The following GRID1 variants were observed in gnomAD, a reference collection of about 807,000 sequenced individuals.
GRID1 encodes the protein glutamate receptor ionotropic, delta-1.
Under a neutral mutation model 98.0 loss-of-function variants are expected in GRID1, and 28 were observed. That is an observed-to-expected ratio of 0.29 (90% CI 0.21 to 0.39). The LOEUF (loss-of-function observed/expected upper bound fraction) is 0.39, where lower values mean the gene tolerates loss of function less well. GRID1 is among the 10% of genes least tolerant of loss of function. The pLI, the probability that GRID1 is intolerant of heterozygous loss-of-function variation, is 1.00. For synonymous variants in GRID1, 553 were observed against 538.5 expected (o/e 1.03, Z -0.37); for missense variants, 1,111 against 1,340.5 (o/e 0.83, Z 2.67).
chr10:86,057,373 A>C (rs1285610239), intron 4 of GRID1, among the ~76,000 whole-genome samples: 2 of 152,186 alleles, frequency 1.3e-5, no homozygotes, highest in East Asian at 1.9e-4. Context: ...CAGGTTCCCC[A>C]GTGTCTGGGA....
chr10:85,607,089 G>T (rs1229465627), intron 15 of GRID1: 2 of 152,212 alleles, frequency 1.3e-5, no homozygotes, highest in Non-Finnish European at 2.9e-5. Context: ...TATTAAACAT[G>T]ACGACAGATG....
intron 8 of GRID1, among the ~76,000 whole-genome samples, chr10:85,841,939 A>C (rs1277016393): frequency 1.3e-5 from 2 of 151,948 alleles, no homozygotes; most frequent in African/African-American, 2.4e-5. Flanking sequence ...GACTTAAAGA[A>C]AGACATACTA....
At chr10:86,006,993 C>A (rs971450490) in intron 4 of GRID1, among the ~76,000 whole-genome samples, 44 of 152,100 alleles carry the variant, frequency 2.9e-4, no homozygotes, top group Middle Eastern at 3.4e-3. Flanking sequence ...CAATCCCCGT[C>A]GTCCTTGGGC....
At chr10:85,848,046 A>G (rs1200099110) in intron 8 of GRID1, among the ~76,000 whole-genome samples, 2 of 152,148 alleles carry the variant, frequency 1.3e-5, no homozygotes, top group Non-Finnish European at 2.9e-5. Context: ...ATACTTTAAA[A>G]TGTACAATCT....
intron 4 of GRID1, among the ~76,000 whole-genome samples, chr10:85,925,700 G>A (rs912784559): frequency 6.6e-6 from 1 of 152,230 alleles, no homozygotes; most frequent in African/African-American, 2.4e-5. Context: ...GGAGGGTGTG[G>A]AGCCATTTTG....
At position 85,879,744 on chromosome 10, in the gene GRID1, T is replaced by A. The variant is rs1297493725; in HGVS notation, c.781-10564A>T. The stretch of plus-strand genomic sequence containing the variant: ...ACCAAGAGCAAATACATTCAAAAGC[T>A]AGCAGAAGGCAAGAAATAACTAATA... On this transcript the variant is annotated intron_variant, in intron 5 of 15. Coordinates refer to ENST00000327946, the MANE Select transcript of GRID1 (RefSeq NM_017551.3). 5.9e-5 allele frequency among the ~76,000 whole-genome samples: 9 copies of A among 152,154 alleles called. No individual in the cohort carries two copies. In the East Asian group the frequency reaches 1.7e-3, roughly 29 times the overall value.
At chr10:86,133,957 T>C (rs554048985) in intron 4 of GRID1, among the ~76,000 whole-genome samples, 31 of 152,306 alleles carry the variant, frequency 2.0e-4, no homozygotes, top group African/African-American at 7.5e-4. Context: ...TTCCACTCTT[T>C]CCAGTGGAAC....
chr10:85,881,067 G>T (rs1177045622), intron 5 of GRID1, among the ~76,000 whole-genome samples: 1 of 152,110 alleles, frequency 6.6e-6, no homozygotes, highest in African/African-American at 2.4e-5. Flanking sequence ...AACTTACAAG[G>T]GACGTGAGGG....
intron 5 of GRID1, among the ~76,000 whole-genome samples, chr10:85,886,460 C>T (rs1295231892): frequency 6.6e-6 from 1 of 152,168 alleles, no homozygotes; most frequent in East Asian, 1.9e-4. Flanking sequence ...GATTCACACT[C>T]TCATGGGACT....
rs546405957 is a variant in GRID1, at chr10:86,144,262, C to T, written c.521-5238G>A. ...GGGTGGGATAGGAAAGACCCTGCCT[C>T]GGTGAGGAGAAGCAGCTCTGGAAAC... On this transcript the variant is annotated intron_variant, in intron 3 of 15. Transcript: ENST00000327946. Among the ~76,000 whole-genome samples the T allele has an allele frequency of 3.2e-4, 48 of 152,190 alleles. No homozygotes were observed. In the South Asian group the frequency reaches 7.5e-3, roughly 24 times the overall value.
At chr10:85,725,388 T>A (rs1307075027) in intron 10 of GRID1, among the ~76,000 whole-genome samples, 2 of 152,226 alleles carry the variant, frequency 1.3e-5, no homozygotes, top group African/African-American at 4.8e-5. Context: ...TCTCTCTGGA[T>A]GTGCCCTACT....
chr10:85,831,648 A>T (rs1407780654), intron 8 of GRID1, among the ~76,000 whole-genome samples: 1 of 152,116 alleles, frequency 6.6e-6, no homozygotes, highest in Non-Finnish European at 1.5e-5. Flanking sequence ...CTATTAAATG[A>T]CTAACCAAAA....
chr10:85,769,678 C>T (rs1207447495), intron 8 of GRID1, among the ~76,000 whole-genome samples: 1 of 152,192 alleles, frequency 6.6e-6, no homozygotes, highest in East Asian at 1.9e-4. Flanking sequence ...TTATATCCTG[C>T]ACCTGGCTCG....
intron 4 of GRID1, among the ~76,000 whole-genome samples, chr10:86,004,861 T>C (rs970646324): frequency 2.6e-5 from 4 of 152,166 alleles, no homozygotes; most frequent in Admixed American, 2.0e-4. Context: ...CTCATTGCAC[T>C]GTTCCTACTT....
At chr10:86,247,710 C>T (rs1172640704) in intron 2 of GRID1, among the ~76,000 whole-genome samples, 2 of 152,018 alleles carry the variant, frequency 1.3e-5, no homozygotes, top group African/African-American at 4.8e-5. Context: ...GGGGGAAGTG[C>T]CAAGGAATGT....
At chr10:86,341,055 C>T (rs1209997801) in intron 2 of GRID1, among the ~76,000 whole-genome samples, 3 of 152,106 alleles carry the variant, frequency 2.0e-5, no homozygotes, top group Non-Finnish European at 2.9e-5. Context: ...CTGCCTTCCC[C>T]GACCCCCACT....
intron 8 of GRID1, among the ~76,000 whole-genome samples, chr10:85,795,694 C>T (rs950916184): frequency 1.3e-5 from 2 of 152,172 alleles, no homozygotes; most frequent in African/African-American, 4.8e-5. Context: ...CACGTCGAAT[C>T]CTGGCACCCA....
intron 8 of GRID1, among the ~76,000 whole-genome samples, chr10:85,743,111 C>CCCCCT (rs1564577050): frequency 1.5e-5 from 2 of 130,158 alleles, no homozygotes; most frequent in East Asian, 2.9e-4. Flanking sequence ...TGCAGCCCCC[C>CCCCCT]CCCCCACCAC....
chr10:85,697,645 A>G (rs1841408394), intron 12 of GRID1, among the ~76,000 whole-genome samples: 2 of 152,158 alleles, frequency 1.3e-5, no homozygotes, highest in Admixed American at 1.3e-4. Flanking sequence ...TTTCTTTTTC[A>G]TGAGTCCCAT....
Sources: allele counts gnomAD v4.1 joint callset (sites outside exome capture counted in the v4.1 genomes callset), GRCh38; gene constraint gnomAD v4.1.1; transcripts MANE v1.5; gene names NCBI Gene and HGNC (gene_info 2026-07-23, HGNC 2026-07-21).